LINGO2: variants seen among roughly 807,000 people sequenced by gnomAD.
LINGO2 encodes leucine-rich repeat and immunoglobulin-like domain-containing nogo receptor-interacting protein 2.
A neutral mutation model predicts 30.6 loss-of-function variants in LINGO2; 14 were observed. The ratio of observed to expected loss-of-function variants is 0.46; its 90% CI spans 0.30 to 0.72. The LOEUF (loss-of-function observed/expected upper bound fraction) is 0.72. LINGO2 is among the 30% of genes least tolerant of loss of function. The pLI is 0.07. For missense variants in LINGO2, 729 were observed against 751.7 expected (o/e 0.97, Z 0.35); for synonymous variants, 317 against 288.5 (o/e 1.10, Z -1.00).
chr9:28,698,321 T>A, the LINGO2 span, among the ~76,000 whole-genome samples: 1 of 152,078 alleles, frequency 6.6e-6, no homozygotes, highest in Admixed American at 6.6e-5. Flanking sequence ...CCTTTATACA[T>A]CCTTCTAAGT....
chr9:28,659,538 C>T (rs573806376), intron 1 of LINGO2, among the ~76,000 whole-genome samples: 6 of 151,868 alleles, frequency 4.0e-5, no homozygotes, highest in South Asian at 4.2e-4. Flanking sequence ...GCCTTGAACT[C>T]CTGGGATCAA....
chr9:29,148,510 G>T, the LINGO2 span, among the ~76,000 whole-genome samples: 3 of 152,062 alleles, frequency 2.0e-5, no homozygotes, highest in African/African-American at 7.2e-5. Flanking sequence ...TCATTTTATA[G>T]TGCCAACCTC....
chr9:29,206,091 G>A, the LINGO2 span, among the ~76,000 whole-genome samples: 2,715 of 152,170 alleles, frequency 0.018, 73 homozygotes, highest in African/African-American at 0.062. Context: ...ATTTTCCATA[G>A]TATGGATATA....
Position 27,969,366 on chromosome 9 carries a change from T to A in LINGO2, c.-35-18660A>T, listed in dbSNP as rs189368758. ...AAAACTGGTTTTAAAATAAGCCTGT[T>A]AGTGTCTAACGATGTGTGGCCAGAA... is the stretch of plus-strand genomic sequence containing the variant. On this transcript the variant is annotated intron_variant, in intron 5 of 5. Transcript: ENST00000379992. Among the ~76,000 whole-genome samples, 416 of 152,246 alleles carry A rather than the reference T, an allele frequency of 2.7e-3. 3 individuals are homozygous for A. The highest frequency in any genetic ancestry group is 9.7e-3 in the South Asian group (47 of 4,830).
At chr9:28,565,557 G>T (rs1338882972) in intron 1 of LINGO2, among the ~76,000 whole-genome samples, 4 of 146,692 alleles carry the variant, frequency 2.7e-5, no homozygotes, top group East Asian at 2.1e-4. Context: ...CTAGGCAAAA[G>T]AATTATTTTT....
the LINGO2 span, among the ~76,000 whole-genome samples, chr9:29,099,343 T>C: frequency 6.6e-6 from 1 of 152,000 alleles, no homozygotes; most frequent in African/African-American, 2.4e-5. Context: ...TTGAGCGACA[T>C]CCCACAGACA....
chr9:28,915,919 C>T, the LINGO2 span, among the ~76,000 whole-genome samples: 1 of 152,262 alleles, frequency 6.6e-6, no homozygotes, highest in African/African-American at 2.4e-5. Flanking sequence ...TGTAAAATCT[C>T]TGATAAACGG....
At chr9:28,174,665 A>G (rs185501808) in intron 4 of LINGO2, among the ~76,000 whole-genome samples, 85 of 152,360 alleles carry the variant, frequency 5.6e-4, no homozygotes, top group African/African-American at 1.9e-3. Flanking sequence ...TGTACCCTGT[A>G]CTACCATTGT....
At chr9:29,178,089 C>T in the LINGO2 span, among the ~76,000 whole-genome samples, 1 of 150,874 alleles carries the variant, frequency 6.6e-6, no homozygotes, top group African/African-American at 2.4e-5. Context: ...GAGTTTCACT[C>T]TTGTTGCCCA....
chr9:29,111,585 A>C, the LINGO2 span, among the ~76,000 whole-genome samples: 4 of 151,932 alleles, frequency 2.6e-5, no homozygotes, highest in Non-Finnish European at 5.9e-5. Flanking sequence ...ATAACAACCT[A>C]TATATACTTA....
At chr9:28,089,774 G>A (rs1826021705) in intron 4 of LINGO2, among the ~76,000 whole-genome samples, 1 of 152,144 alleles carries the variant, frequency 6.6e-6, no homozygotes, top group Non-Finnish European at 1.5e-5. Flanking sequence ...AATGAATCCA[G>A]GAGCTGGTTT....
intron 2 of LINGO2, among the ~76,000 whole-genome samples, chr9:28,374,733 A>C (rs944840239): frequency 3.0e-4 from 46 of 152,312 alleles, no homozygotes; most frequent in African/African-American, 1.0e-3. Flanking sequence ...AGCAGGTTTC[A>C]ATATTCTATA....
chr9:28,149,688 G>A (rs1827934134), intron 4 of LINGO2, among the ~76,000 whole-genome samples: 1 of 150,096 alleles, frequency 6.7e-6, no homozygotes, highest in Non-Finnish European at 1.5e-5. Flanking sequence ...GGGAAGTGAG[G>A]AACGCTTCTG....
In LINGO2 at chr9:28,660,198, G is replaced by A. The variant is rs1035244152; in HGVS notation, c.-365+10002C>T. 1.2e-4 allele frequency among the ~76,000 whole-genome samples: 19 copies of A among 152,052 alleles called. 1 individual carries two copies. Among genetic ancestry groups the A allele is most frequent in the African/African-American group, 4.3e-4 (18 of 41,404 alleles). ...TAAAGATTAAAACTGACACTTTGAT[G>A]AGTTTATGCATCATAACTGTTCTAG... On this transcript the variant is annotated intron_variant, in intron 1 of 5. Coordinates refer to ENST00000379992, the Ensembl canonical transcript of LINGO2.
At chr9:28,273,944 G>T (rs1192950244) in intron 4 of LINGO2, among the ~76,000 whole-genome samples, 1 of 152,114 alleles carries the variant, frequency 6.6e-6, no homozygotes, top group Admixed American at 6.5e-5. Context: ...GGACAAAAGA[G>T]GAACTCCCCT....
At chr9:29,116,165 A>G in the LINGO2 span, among the ~76,000 whole-genome samples, 1 of 149,064 alleles carries the variant, frequency 6.7e-6, no homozygotes, top group East Asian at 2.0e-4. Flanking sequence ...CTTTCCTGAT[A>G]AGAGATTAAT....
the LINGO2 span, among the ~76,000 whole-genome samples, chr9:28,747,501 G>GAC: frequency 1.3e-5 from 2 of 152,076 alleles, no homozygotes; most frequent in African/African-American, 4.8e-5. Flanking sequence ...TGACAAAGCT[G>GAC]AAAGAGCACA....
At chr9:28,092,840 T>C (rs1027285169) in intron 4 of LINGO2, among the ~76,000 whole-genome samples, 1 of 152,236 alleles carries the variant, frequency 6.6e-6, no homozygotes, top group South Asian at 2.1e-4. Context: ...ATAGTGAACA[T>C]TTTATGACAT....
At chr9:28,549,371 G>C (rs879928466) in intron 1 of LINGO2, among the ~76,000 whole-genome samples, 1 of 152,000 alleles carries the variant, frequency 6.6e-6, no homozygotes, top group Non-Finnish European at 1.5e-5. Context: ...GAATATTGAG[G>C]TTGTTTATTT....
Sources: gnomAD v4.1 joint callset for allele counts (sites outside exome capture counted in the v4.1 genomes callset) on GRCh38, gnomAD v4.1.1 for gene constraint, MANE v1.5 for transcripts, NCBI Gene and HGNC (gene_info 2026-07-23, HGNC 2026-07-21) for gene names.